FAM120B: variants seen among roughly 807,000 people sequenced by gnomAD.
The protein encoded by FAM120B is family with sequence similarity 120 member B, also known as constitutive coactivator of peroxisome proliferator-activated receptor gamma.
In FAM120B, 83 loss-of-function variants were observed where a neutral mutation model predicts 96.3. The ratio of observed to expected loss-of-function variants is 0.86; its 90% confidence interval spans 0.72 to 1.03. The LOEUF (loss-of-function observed/expected upper bound fraction) is 1.03. Among genes scored for constraint, FAM120B ranks in the 50% least tolerant of loss-of-function variants. FAM120B has a pLI of 0.00. For synonymous variants in FAM120B, 407 were observed against 402.7 expected (o/e 1.01, Z -0.13); for missense variants, 1,027 against 1,121.2 (o/e 0.92, Z 1.20).
At chr6:170,316,479 T>C (rs1287286603) in intron 1 of FAM120B, among the ~76,000 whole-genome samples, 1 of 152,252 alleles carries the variant, frequency 6.6e-6, no homozygotes, top group African/African-American at 2.4e-5. Context: ...ACGCACATCA[T>C]TGCCTACTTG....
At chr6:170,402,146 G>A (rs989663034) in intron 9 of FAM120B, among the ~76,000 whole-genome samples, 8 of 152,372 alleles carry the variant, frequency 5.3e-5, no homozygotes, top group Admixed American at 1.3e-4. Context: ...CTCAGCAGAC[G>A]AAGGCCCCTG....
At chr6:170,345,278 C>T (rs1307441301) in intron 4 of FAM120B, among the ~76,000 whole-genome samples, 1 of 152,176 alleles carries the variant, frequency 6.6e-6, no homozygotes, top group Non-Finnish European at 1.5e-5. Flanking sequence ...TAATGCCCTG[C>T]CCCAATTTGT....
chr6:170,304,815 G>A (rs1436549860), upstream of FAM120B, among the ~76,000 whole-genome samples: 7 of 151,996 alleles, frequency 4.6e-5, no homozygotes, highest in Non-Finnish European at 1.0e-4. Flanking sequence ...CTCCTTCCAG[G>A]CTCAGTTCAC....
At chr6:170,379,413 A>G (rs1789774511) in intron 6 of FAM120B, among the ~76,000 whole-genome samples, 1 of 152,194 alleles carries the variant, frequency 6.6e-6, no homozygotes, top group Non-Finnish European at 1.5e-5. Context: ...TTACAGGTTG[A>G]GTATGTCTTA....
intron 2 of FAM120B, among the ~76,000 whole-genome samples, 181 bp from the exon 3 acceptor site, chr6:170,322,898 T>G (rs1785386625): frequency 6.6e-6 from 1 of 151,842 alleles, no homozygotes; most frequent in Non-Finnish European, 1.5e-5. Context: ...GAATAGAAAG[T>G]TTGAAATTGG....
At chr6:170,330,852 G>T (rs909425928) in intron 4 of FAM120B, 4 of 321,540 alleles carry the variant, frequency 1.2e-5, no homozygotes, top group Non-Finnish European at 1.7e-5. Flanking sequence ...CGTGGTCAGC[G>T]CATGTTGCTG....
At chr6:170,293,508 C>T (rs149428163), upstream of FAM120B, among the ~76,000 whole-genome samples, 129 of 152,222 alleles carry the variant, frequency 8.5e-4, no homozygotes, top group African/African-American at 2.8e-3. Context: ...TCGATTACGG[C>T]GGCAAAGCGG....
chr6:170,316,058 CAAAA>C (rs35344814), intron 1 of FAM120B, among the ~76,000 whole-genome samples: 15,529 of 91,476 alleles, frequency 0.17, 777 homozygotes, highest in East Asian at 0.37. Flanking sequence ...GACCCGGTCT[CAAAA>C]AAAAAAAAAA....
At chr6:170,376,846 C>T (rs1444378948) in intron 6 of FAM120B, among the ~76,000 whole-genome samples, 2 of 152,180 alleles carry the variant, frequency 1.3e-5, no homozygotes, top group Middle Eastern at 3.2e-3. Flanking sequence ...GTTTCGGTAA[C>T]CCCCTAGAGA....
chr6:170,376,384 G>A (rs1037586272), intron 6 of FAM120B, among the ~76,000 whole-genome samples: 3 of 151,866 alleles, frequency 2.0e-5, no homozygotes, highest in Non-Finnish European at 4.4e-5. Flanking sequence ...TACACATATA[G>A]TGTGATAAGG....
chr6:170,319,138 C>G lies in FAM120B; in HGVS notation c.1734+14C>G. The G allele has an allele frequency of 6.5e-7, 1 of 1,531,970 alleles. No homozygotes were observed. Among genetic ancestry groups the G allele is most frequent in the Middle Eastern group, 1.7e-4 (1 of 5,726 alleles). The allele number at this position is 1,531,970 out of a possible 1,614,324, so 94.9% of individuals were successfully genotyped here. ...GAAATCTTAAAGGTATGTGTATCTG[C>G]CCAGCCAATATGCCATGATTGAAAA... is the stretch of plus-strand genomic sequence containing the variant. On this transcript the variant is annotated intron_variant, in intron 2 of 10. Coordinates refer to ENST00000476287, the MANE Select transcript of FAM120B (RefSeq NM_032448.3).
Position 170,330,550 on chromosome 6 carries a change from G to C in FAM120B, c.2017G>C (p.Gly673Arg). Reference protein sequence around the residue: ...LVRPLQMTIPGGTPSLKILWL... With the variant: ...LVRPLQMTIPRGTPSLKILWL... The stretch of plus-strand genomic sequence containing the variant: ...CAGGCCGCTGCAGATGACCATTCCA[G>C]GTACAGGCAGCCTTTCTTTAAATGA... The change falls in exon 4 of 11, where the codon GGG (glycine) becomes CGG (arginine). Residue 673 changes from glycine (G) to arginine (R), a missense_variant and splice_region_variant. By Grantham distance (125) the Gly-to-Arg change is moderately radical (BLOSUM62 -2). Around this residue, in one of 3 missense-constraint regions of FAM120B, gnomAD observed 880 missense variants for 980.9 expected, o/e 0.90. Coordinates refer to ENST00000476287, the MANE Select transcript of FAM120B (RefSeq NM_032448.3). The C allele has an allele frequency of 2.5e-6, 4 of 1,611,104 alleles. No homozygotes were observed. The highest frequency in any genetic ancestry group is 3.4e-6 in the Non-Finnish European group (4 of 1,177,364).
chr6:170,333,022 G>A (rs987036868), intron 4 of FAM120B, among the ~76,000 whole-genome samples: 2 of 152,016 alleles, frequency 1.3e-5, no homozygotes, highest in Non-Finnish European at 2.9e-5. Flanking sequence ...TGGAACTGAG[G>A]CCGAAGGGTG....
chr6:170,387,351 T>C (rs1001968225), intron 6 of FAM120B, among the ~76,000 whole-genome samples: 3 of 152,246 alleles, frequency 2.0e-5, no homozygotes, highest in African/African-American at 7.2e-5. Flanking sequence ...TGTTACTTTT[T>C]TCCTAATTTA....
upstream of FAM120B, among the ~76,000 whole-genome samples, chr6:170,303,269 C>G (rs1394542790): frequency 6.6e-6 from 1 of 152,080 alleles, no homozygotes; most frequent in Non-Finnish European, 1.5e-5. Flanking sequence ...AGACAGCGTC[C>G]TACTCTGTCA....
rs530292563 is a variant in FAM120B at position 170,405,139 on chromosome 6, A to T, written c.*388A>T. On this transcript the variant is annotated 3_prime_UTR_variant, in exon 11 of 11. Transcript: ENST00000476287. ...GGTTATCTCCTGTTATTAAAAAGTCAGAAAACACTATACAGTAGTCCTCCC... is the reference window on the plus strand; with the variant it reads ...GGTTATCTCCTGTTATTAAAAAGTCTGAAAACACTATACAGTAGTCCTCCC... 1 of 157,150 alleles carries T rather than the reference A, an allele frequency of 6.4e-6. No individual in the cohort carries two copies. The highest frequency in any genetic ancestry group is 1.9e-4 in the South Asian group (1 of 5,162). The allele number at this position is 157,150 out of a possible 1,614,324, so 9.7% of individuals were successfully genotyped here.
chr6:170,336,038 G>A (rs923502165), intron 4 of FAM120B, among the ~76,000 whole-genome samples: 4 of 152,168 alleles, frequency 2.6e-5, no homozygotes, highest in Non-Finnish European at 5.9e-5. Context: ...CAGTGCAGAA[G>A]CTCTTCAGTT....
intron 8 of FAM120B, among the ~76,000 whole-genome samples, 168 bp from the exon 9 acceptor site, chr6:170,395,319 G>C (rs946140776): frequency 3.9e-5 from 6 of 152,196 alleles, no homozygotes; most frequent in Non-Finnish European, 8.8e-5. Flanking sequence ...CCTGAGCCGG[G>C]TTCTCTGGGG....
At chr6:170,302,316 C>T (rs1784157271), upstream of FAM120B, among the ~76,000 whole-genome samples, 1 of 152,152 alleles carries the variant, frequency 6.6e-6, no homozygotes, top group Admixed American at 6.5e-5. Context: ...ATCAAGAGAA[C>T]AGCATGGAGG....
Sources: allele counts gnomAD v4.1 joint callset (sites outside exome capture counted in the v4.1 genomes callset), GRCh38; gene constraint gnomAD v4.1.1; regional missense constraint gnomAD v4.1.1; transcripts MANE v1.5; gene names NCBI Gene and HGNC (gene_info 2026-07-23, HGNC 2026-07-21).